AUTS2: variants seen among roughly 807,000 people sequenced by gnomAD.
AUTS2 encodes the protein autism susceptibility gene 2 protein.
In AUTS2, 17 loss-of-function variants were observed where a neutral mutation model predicts 112.4. The ratio of observed to expected loss-of-function variants is 0.15; its 90% confidence interval spans 0.10 to 0.23. The LOEUF (loss-of-function observed/expected upper bound fraction) is 0.23. Ranked by LOEUF, AUTS2 falls within the 10% of genes least tolerant of loss-of-function variation. The pLI is 1.00. For synonymous variants in AUTS2, 751 were observed against 702.7 expected (o/e 1.07, Z -1.09); for missense variants, 1,510 against 1,701.6 (o/e 0.89, Z 1.98).
At chr7:69,873,443 A>G (rs1793594146) in intron 1 of AUTS2, among the ~76,000 whole-genome samples, 1 of 136,996 alleles carries the variant, frequency 7.3e-6, no homozygotes, top group African/African-American at 2.8e-5. Context: ...TTTGCATCCC[A>G]GAGTTAGCAG....
At chr7:70,715,610 C>A (rs902530893) in intron 6 of AUTS2, among the ~76,000 whole-genome samples, 2 of 151,918 alleles carry the variant, frequency 1.3e-5, no homozygotes, top group Non-Finnish European at 2.9e-5. Context: ...CAGCTCACTG[C>A]AACCTTCGCC....
chr7:70,423,764 G>A (rs898480380), intron 4 of AUTS2, among the ~76,000 whole-genome samples: 29 of 152,034 alleles, frequency 1.9e-4, no homozygotes, highest in Admixed American at 1.4e-3. Context: ...TGCTCACTTC[G>A]TTGAGAGGGA....
intron 2 of AUTS2, among the ~76,000 whole-genome samples, chr7:70,066,427 A>G (rs1210590838): frequency 6.6e-6 from 1 of 152,126 alleles, no homozygotes; most frequent in African/African-American, 2.4e-5. Context: ...GTCATGTTTA[A>G]TAGAGGAAAT....
chr7:69,788,767 A>C (rs1409908865), intron 1 of AUTS2, among the ~76,000 whole-genome samples: 1 of 146,954 alleles, frequency 6.8e-6, no homozygotes, highest in Non-Finnish European at 1.5e-5. Flanking sequence ...CTTGAAGCAA[A>C]ATTAAAAAAA....
intron 5 of AUTS2, among the ~76,000 whole-genome samples, chr7:70,575,663 G>C (rs914059577): frequency 6.6e-6 from 1 of 152,180 alleles, no homozygotes; most frequent in Non-Finnish European, 1.5e-5. Context: ...TTTGCTGGGA[G>C]GATGCCTGGC....
At chr7:69,807,077 TGGGGTTGTGGTTGC>T (rs1790342516) in intron 1 of AUTS2, among the ~76,000 whole-genome samples, 1 of 152,118 alleles carries the variant, frequency 6.6e-6, no homozygotes, top group Non-Finnish European at 1.5e-5. Flanking sequence ...AAAACTTAAA[TGGGGTTGTGGTTGC>T]ACAACAGTAT....
chr7:70,060,973 T>C (rs1294156450), intron 2 of AUTS2, among the ~76,000 whole-genome samples: 1 of 152,190 alleles, frequency 6.6e-6, no homozygotes, highest in African/African-American at 2.4e-5. Flanking sequence ...TGGAGTTCTC[T>C]TAACAAACCC....
rs1430853201 is a variant in AUTS2 at position 70,615,602 on chromosome 7, TTGG to T, written c.691-82966_691-82964del. Among the ~76,000 whole-genome samples, 4 of 146,740 alleles carry T rather than the reference TTGG, an allele frequency of 2.7e-5. No homozygotes were observed. In the Admixed American group the frequency reaches 2.7e-4, roughly 10 times the overall value. ...GTTGTTGTTGTTGTTGTTGTTGTTG[TTGG>T]AAAAGCATTTATTCTCTTTAGGAGC... is the stretch of plus-strand genomic sequence containing the variant. On this transcript the variant is annotated intron_variant, in intron 5 of 18. Transcript: ENST00000342771.
intron 5 of AUTS2, among the ~76,000 whole-genome samples, chr7:70,529,651 C>A (rs557140847): frequency 1.3e-5 from 2 of 152,342 alleles, no homozygotes; most frequent in Admixed American, 1.3e-4. Context: ...CTGCAAATGT[C>A]ATGGCTTCAG....
At chr7:70,358,503 C>G (rs1240863026) in intron 4 of AUTS2, among the ~76,000 whole-genome samples, 1 of 152,232 alleles carries the variant, frequency 6.6e-6, no homozygotes, top group Non-Finnish European at 1.5e-5. Context: ...TGCCTGTTGA[C>G]CACCCTCAAG....
intron 1 of AUTS2, among the ~76,000 whole-genome samples, chr7:69,778,945 AACTTTGAAAAATG>A (rs990858163): frequency 1.3e-5 from 2 of 150,976 alleles, no homozygotes; most frequent in African/African-American, 2.4e-5. Flanking sequence ...TGAGAGGCTG[AACTTTGAAAAATG>A]ACTTTGCCAT....
At chr7:70,144,734 A>G (rs1807042908) in intron 4 of AUTS2, among the ~76,000 whole-genome samples, 1 of 152,076 alleles carries the variant, frequency 6.6e-6, no homozygotes, top group Admixed American at 6.6e-5. Context: ...TAGGCTGACA[A>G]TTTGGACTGT....
chr7:70,585,459 C>T (rs1005638776), intron 5 of AUTS2, among the ~76,000 whole-genome samples: 4 of 152,210 alleles, frequency 2.6e-5, no homozygotes, highest in African/African-American at 9.6e-5. Context: ...TCATTAATGA[C>T]TTTTCTGCCA....
At chr7:70,370,593 AT>A (rs752590999) in intron 4 of AUTS2, among the ~76,000 whole-genome samples, 3 of 152,332 alleles carry the variant, frequency 2.0e-5, no homozygotes, top group Middle Eastern at 3.4e-3. Context: ...ATTGATAGAC[AT>A]TGGGATTGTT....
At chr7:69,942,644 C>G (rs1437506962) in intron 2 of AUTS2, among the ~76,000 whole-genome samples, 1 of 152,162 alleles carries the variant, frequency 6.6e-6, no homozygotes, top group African/African-American at 2.4e-5. Context: ...GCTTTGTTCC[C>G]CCACTGGGCT....
intron 6 of AUTS2, among the ~76,000 whole-genome samples, chr7:70,756,600 G>A (rs943243986): frequency 5.9e-5 from 9 of 152,106 alleles, no homozygotes; most frequent in Admixed American, 2.0e-4. Context: ...ATACCTTTAA[G>A]TATGTAAGTG....
In AUTS2 at chr7:70,431,638, GC is replaced by G. The variant is rs1448454364; in HGVS notation, c.661-4112del. On this transcript the variant is annotated intron_variant, in intron 4 of 18. Coordinates refer to ENST00000342771, the MANE Select transcript of AUTS2 (RefSeq NM_015570.4). ...TGACCTCATGATCCACCCGCCTTCAGCCTCCCAAAGTGCTGGGATTACAGGC... is the reference window on the plus strand; with the variant it reads ...TGACCTCATGATCCACCCGCCTTCAGCTCCCAAAGTGCTGGGATTACAGGC... Among the ~76,000 whole-genome samples the G allele has an allele frequency of 5.3e-4, 81 of 152,322 alleles. 1 individual carries two copies. The highest frequency in any genetic ancestry group is 1.8e-3 in the African/African-American group (76 of 41,580).
intron 4 of AUTS2, among the ~76,000 whole-genome samples, chr7:70,243,648 G>T (rs1248843908): frequency 6.6e-6 from 1 of 150,708 alleles, no homozygotes; most frequent in Non-Finnish European, 1.5e-5. Context: ...CTGCGATAAT[G>T]TGTCCCAAAG....
chr7:69,801,661 G>T (rs1012281541), intron 1 of AUTS2, among the ~76,000 whole-genome samples: 7 of 152,026 alleles, frequency 4.6e-5, no homozygotes, highest in African/African-American at 1.7e-4. Context: ...GTACAAACAT[G>T]CATTTGTTCA....
Sources: allele counts gnomAD v4.1 joint callset (sites outside exome capture counted in the v4.1 genomes callset), GRCh38; gene constraint gnomAD v4.1.1; transcripts MANE v1.5; gene names NCBI Gene and HGNC (gene_info 2026-07-23, HGNC 2026-07-21).